Variants in NACC2 observed in about 807,000 individuals in gnomAD.
NACC2 encodes nucleus accumbens-associated protein 2.
NACC2 carries 8 observed loss-of-function variants against 25.1 expected under a neutral mutation model. The ratio of observed to expected loss-of-function variants is 0.32; its 90% CI spans 0.19 to 0.57. The LOEUF (loss-of-function observed/expected upper bound fraction) is 0.57. NACC2 is among the 20% of genes least tolerant of loss of function. The pLI is 0.89. For synonymous variants in NACC2, 435 were observed against 294.7 expected, an observed-to-expected ratio of 1.48 and a Z score of -4.88; for missense variants, 644 against 650.2, an observed-to-expected ratio of 0.99 and a Z score of 0.10.
In NACC2 at chr9:136,095,225, C is replaced by G. The variant is rs1178432471; in HGVS notation, c.-96G>C. ...CGGCCCGGTCCGGCCTGGGCAGCTG[C>G]GGCGCGCCGCCCGCGGCAGGAAGTG... On this transcript the variant is annotated 5_prime_UTR_variant, in exon 1 of 6. Transcript: ENST00000277554. The G allele has an allele frequency of 1.4e-5, 2 of 147,492 alleles. No individual in the cohort carries two copies. Among genetic ancestry groups the G allele is most frequent in the African/African-American group, 4.9e-5 (2 of 41,050 alleles). 9.1% of individuals were successfully genotyped at this position (147,492 alleles called of 1,614,324 possible).
At chr9:136,059,235 G>C (rs890094772) in intron 1 of NACC2, among the ~76,000 whole-genome samples, 1 of 152,172 alleles carries the variant, frequency 6.6e-6, no homozygotes, top group African/African-American at 2.4e-5. Context: ...ACACCCTCAG[G>C]GCTAAGGCCA....
In NACC2 at chr9:136,055,133, T is replaced by TA. The variant is rs1208202305; in HGVS notation, c.-59-4554dup. On this transcript the variant is annotated intron_variant, in intron 1 of 5. Coordinates refer to ENST00000277554, the MANE Select transcript of NACC2 (RefSeq NM_144653.5). This position sits in a 1 kb window ranked among gnomAD's most constrained non-coding sequence, Gnocchi z 4.9. ...ATCCAGGCCTGCCCTGCCCTGGGGT[T>TA]AGGGGTTGCCCACCATGATGAGCCC... 1.3e-5 allele frequency among the ~76,000 whole-genome samples: 2 copies of TA among 152,094 alleles called. No homozygotes were observed. Among genetic ancestry groups the TA allele is most frequent in the Non-Finnish European group, 2.9e-5 (2 of 67,990 alleles).
intron 1 of NACC2, among the ~76,000 whole-genome samples, chr9:136,091,324 G>A (rs1010393472): frequency 2.6e-5 from 4 of 152,238 alleles, no homozygotes; most frequent in Admixed American, 2.6e-4. Flanking sequence ...GCCTCAGGGA[G>A]GACGGGTTCC....
chr9:136,023,020 G>A (rs1327828923), intron 2 of NACC2, among the ~76,000 whole-genome samples: 12 of 112,238 alleles, frequency 1.1e-4, no homozygotes, highest in Admixed American at 9.3e-4. Context: ...GGCAGAGAGG[G>A]ACATTCACAT....
Position 136,024,351 on chromosome 9 carries a change from GTGT to G in NACC2, c.887-7925_887-7923del, listed in dbSNP as rs1564221596. Reference sequence around the variant, plus strand: ...GAGTGTGTGTGTGTGAGGACAGAGTGTGTGTGTGTGAGGACAGAAGGTGTGTGT... The same window carrying G: ...GAGTGTGTGTGTGTGAGGACAGAGTGGTGTGTGAGGACAGAAGGTGTGTGT... On this transcript the variant is annotated intron_variant, in intron 2 of 5. Transcript: ENST00000277554. Among the ~76,000 whole-genome samples, 2 of 139,714 alleles carry G rather than the reference GTGT, an allele frequency of 1.4e-5. 1 individual carries two copies. The highest frequency in any genetic ancestry group is 3.0e-5 in the Non-Finnish European group (2 of 65,690). The allele number at this position is 139,714 out of a possible 152,430, so 91.7% of individuals were successfully genotyped here.
Position 136,006,920 on chromosome 9 carries a change from G to C in NACC2, c.*4596C>G, listed in dbSNP as rs752234543. The C allele has an allele frequency of 6.6e-6, 1 of 152,210 alleles. No homozygotes were observed. The highest frequency in any genetic ancestry group is 2.4e-5 in the African/African-American group (1 of 41,312). 9.4% of individuals were successfully genotyped at this position (152,210 alleles called of 1,614,324 possible). Reference sequence around the variant, plus strand: ...CAGGAAAATTTATTTTTTAACAGTCGTGAGTTACAGTACTTTAACCCCTAA... The same window carrying C: ...CAGGAAAATTTATTTTTTAACAGTCCTGAGTTACAGTACTTTAACCCCTAA... On this transcript the variant is annotated 3_prime_UTR_variant, in exon 6 of 6. Transcript: ENST00000277554.
intron 2 of NACC2, among the ~76,000 whole-genome samples, chr9:136,024,596 T>A: frequency 6.6e-6 from 1 of 152,126 alleles, no homozygotes. Flanking sequence ...AGAGTGTGCA[T>A]GTGAGGACCA....
Position 136,013,141 on chromosome 9 carries a change from G to T in NACC2, c.1255+58C>A. On this transcript the variant is annotated intron_variant, in intron 5 of 5. Coordinates refer to ENST00000277554, the MANE Select transcript of NACC2 (RefSeq NM_144653.5). This position sits in a 1 kb window ranked among gnomAD's most constrained non-coding sequence, Gnocchi z 6.6. ...CCCGCGGCCCACCCAGTCCTCCTCA[G>T]GCTGGGATCTGAACCCAGCCCCGGC... 1 of 1,446,226 alleles carries T rather than the reference G, an allele frequency of 6.9e-7. No individual in the cohort carries two copies. Among genetic ancestry groups the T allele is most frequent in the Non-Finnish European group, 9.6e-7 (1 of 1,042,170 alleles). 89.6% of individuals were successfully genotyped at this position (1,446,226 alleles called of 1,614,324 possible).
chr9:136,076,157 A>G (rs1422639503), intron 1 of NACC2, among the ~76,000 whole-genome samples: 4 of 152,236 alleles, frequency 2.6e-5, no homozygotes, highest in Admixed American at 6.5e-5. Context: ...GTGACATCCT[A>G]AGTCTCCTAT....
chr9:136,021,457 C>G (rs926445196), intron 2 of NACC2, among the ~76,000 whole-genome samples: 2 of 152,212 alleles, frequency 1.3e-5, no homozygotes, highest in African/African-American at 2.4e-5. Flanking sequence ...ACTGACACCC[C>G]CAAGTGCTGG....
At position 136,086,408 on chromosome 9, in the gene NACC2, G is replaced by A. The variant is rs1328246216; in HGVS notation, c.-60+8781C>T. On this transcript the variant is annotated intron_variant, in intron 1 of 5. Transcript: ENST00000277554. The surrounding 1 kb of genome is among the most constrained non-coding windows in gnomAD (Gnocchi z 5.6). The stretch of plus-strand genomic sequence containing the variant: ...TGAGCCCTGGGGCAGCTGCTGGTCT[G>A]GATGGCACCGGGCCTGGCTCTTGAG... 6.6e-6 allele frequency among the ~76,000 whole-genome samples: 1 copy of A among 152,174 alleles called. No homozygotes were observed. Among genetic ancestry groups the A allele is most frequent in the Non-Finnish European group, 1.5e-5 (1 of 68,018 alleles).
At chr9:136,063,078 T>C (rs576964143) in intron 1 of NACC2, among the ~76,000 whole-genome samples, 1 of 152,226 alleles carries the variant, frequency 6.6e-6, no homozygotes, top group African/African-American at 2.4e-5. Flanking sequence ...TCGTTGTTGT[T>C]GTTGAGCCCT....
intron 2 of NACC2, among the ~76,000 whole-genome samples, chr9:136,035,651 A>C (rs1840539749): frequency 6.6e-6 from 1 of 152,286 alleles, no homozygotes; most frequent in East Asian, 1.9e-4. Flanking sequence ...ATGGATTGAG[A>C]TAACACTTCT....
intron 1 of NACC2, among the ~76,000 whole-genome samples, chr9:136,052,622 C>T: frequency 6.6e-6 from 1 of 152,180 alleles, no homozygotes. Context: ...CCAGCCCCAG[C>T]ACCCCTCCCC....
At chr9:136,016,152 AT>A (rs143627408) in intron 3 of NACC2, 112 bp downstream of exon 3, 6,199 of 1,097,782 alleles carry the variant, frequency 5.6e-3, no homozygotes, top group South Asian at 8.2e-3. Context: ...GAAATTTAAG[AT>A]TTTTTTTTTG....
chr9:136,094,955 AC>A (rs960346807), intron 1 of NACC2, among the ~76,000 whole-genome samples: 1 of 144,748 alleles, frequency 6.9e-6, no homozygotes, highest in Non-Finnish European at 1.5e-5. Flanking sequence ...CTCCGCCGGG[AC>A]CCCCCGGCCC....
chr9:136,067,060 C>T lies in NACC2; in HGVS notation c.-59-16480G>A, dbSNP rs112337563. On this transcript the variant is annotated intron_variant, in intron 1 of 5. Transcript: ENST00000277554. ...GAGGTCGGGAGTTCGAGACCAGCCT[C>T]GGCAAGCAACATGTCGAAACCCCGT... 7.0e-3 allele frequency among the ~76,000 whole-genome samples: 1,057 copies of T among 151,984 alleles called. 9 individuals carry two copies. The highest frequency in any genetic ancestry group is 0.021 in the African/African-American group (877 of 41,450).
At chr9:136,063,592 C>A (rs1462293273) in intron 1 of NACC2, among the ~76,000 whole-genome samples, 1 of 152,194 alleles carries the variant, frequency 6.6e-6, no homozygotes, top group African/African-American at 2.4e-5. Flanking sequence ...ATTAGGAAAT[C>A]TCTTAAAAAG....
intron 1 of NACC2, among the ~76,000 whole-genome samples, chr9:136,070,364 C>A (rs537338661): frequency 6.6e-6 from 1 of 151,594 alleles, no homozygotes; most frequent in Admixed American, 6.6e-5. Context: ...AAAAATTAGC[C>A]GGGCGTGGTG....
Sources: allele counts gnomAD v4.1 joint callset (sites outside exome capture counted in the v4.1 genomes callset), GRCh38; gene constraint gnomAD v4.1.1; non-coding constraint Gnocchi (gnomAD v3.1); transcripts MANE v1.5; gene names NCBI Gene and HGNC (gene_info 2026-07-23, HGNC 2026-07-21).